MOGAT1: variants seen among roughly 807,000 people sequenced by gnomAD.
The protein encoded by MOGAT1 is monoacylglycerol O-acyltransferase 1, also known as 2-acylglycerol O-acyltransferase 1.
Under a neutral mutation model 31.4 loss-of-function variants are expected in MOGAT1, and 32 were observed. The ratio of observed to expected loss-of-function variants is 1.02; its 90% CI spans 0.77 to 1.37. MOGAT1 has a LOEUF of 1.37. Among genes scored for constraint, MOGAT1 ranks in the 40% most tolerant of loss-of-function variants. The pLI, the probability that MOGAT1 is intolerant of heterozygous loss-of-function variation, is 0.00. For missense variants in MOGAT1, 426 were observed against 402.0 expected (o/e 1.06, Z -0.51); for synonymous variants, 145 against 144.5 (o/e 1.00, Z -0.03).
intron 5 of MOGAT1, among the ~76,000 whole-genome samples, chr2:222,705,583 C>A (rs1194094295): frequency 6.6e-6 from 1 of 152,176 alleles, no homozygotes; most frequent in Admixed American, 6.5e-5. Context: ...TTGGCTGGAG[C>A]CCATTCCTTG....
chr2:222,677,927 A>G, intron 1 of MOGAT1: 1 of 272,276 alleles, frequency 3.7e-6, no homozygotes, highest in Non-Finnish European at 7.7e-6. Context: ...ATCATTGGAA[A>G]CTCATCATAA....
intron 5 of MOGAT1, among the ~76,000 whole-genome samples, chr2:222,697,911 G>T (rs781371204): frequency 2.0e-5 from 3 of 151,814 alleles, no homozygotes; most frequent in Non-Finnish European, 4.4e-5. Flanking sequence ...GATGGGTAAT[G>T]TGCCGATGTT....
intron 1 of MOGAT1, among the ~76,000 whole-genome samples, chr2:222,676,216 G>T (rs1692495830): frequency 6.7e-6 from 1 of 148,822 alleles, no homozygotes; most frequent in South Asian, 2.1e-4. Flanking sequence ...TGAACCCCTT[G>T]GCTCAAGGGA....
chr2:222,689,229 T>C, intron 2 of MOGAT1, 36 bp from the exon 3 acceptor site: 2 of 1,503,994 alleles, frequency 1.3e-6, no homozygotes, highest in African/African-American at 1.4e-5. Context: ...AAGGGAAGTT[T>C]CTTTTTTTTA....
chr2:222,686,674 C>A (rs1692673720), intron 1 of MOGAT1, among the ~76,000 whole-genome samples: 1 of 152,156 alleles, frequency 6.6e-6, no homozygotes, highest in Non-Finnish European at 1.5e-5. Context: ...TAACAGGATA[C>A]CCCACAGAGG....
At chr2:222,679,007 C>T (rs573250655) in intron 1 of MOGAT1, among the ~76,000 whole-genome samples, 1 of 152,234 alleles carries the variant, frequency 6.6e-6, no homozygotes, top group East Asian at 1.9e-4. Context: ...TTTTCTCCTA[C>T]CAGTGTTAAT....
intron 5 of MOGAT1, among the ~76,000 whole-genome samples, chr2:222,696,031 C>T (rs559399091): frequency 2.0e-5 from 3 of 152,298 alleles, no homozygotes; most frequent in African/African-American, 7.2e-5. Context: ...TTTTCCATTC[C>T]TGAGTTACTT....
intron 1 of MOGAT1, among the ~76,000 whole-genome samples, chr2:222,678,893 A>ATCAGC (rs1247812117): frequency 6.6e-6 from 1 of 152,178 alleles, no homozygotes; most frequent in East Asian, 1.9e-4. Flanking sequence ...GTGAGCTGAG[A>ATCAGC]TCGTGCCATT....
intron 1 of MOGAT1, chr2:222,677,555 G>A (rs1282006465): frequency 5.8e-6 from 1 of 171,764 alleles, no homozygotes; most frequent in Non-Finnish European, 1.2e-5. Flanking sequence ...TAGGTCTAAG[G>A]CTAACGTGAT....
chr2:222,678,830 A>C (rs1692536524), intron 1 of MOGAT1, among the ~76,000 whole-genome samples: 1 of 152,160 alleles, frequency 6.6e-6, no homozygotes, highest in South Asian at 2.1e-4. Context: ...AGTCTCAGCT[A>C]CTTGGGAGGC....
rs11331017 is a variant in MOGAT1, at chr2:222,693,448, GTTTTTTTTTTT to G, written c.479-904_479-894del. 2.6e-5 allele frequency among the ~76,000 whole-genome samples: 3 copies of G among 116,198 alleles called. No individual in the cohort carries two copies. The East Asian group carries it at 7.9e-4, about 31-fold the overall frequency. The allele number at this position is 116,198 out of a possible 152,430, so 76.2% of individuals were successfully genotyped here. The stretch of plus-strand genomic sequence containing the variant: ...AGTGATCTAGGTTGTCAAATGTCTT[GTTTTTTTTTTT>G]TTTTTTTTTAACCATTTTGTATTAG... On this transcript the variant is annotated intron_variant, in intron 3 of 5. Coordinates refer to ENST00000446656, the MANE Select transcript of MOGAT1 (RefSeq NM_058165.3).
rs1231514581 is a variant in MOGAT1 at position 222,695,201 on chromosome 2, G to A, written c.766G>A (p.Gly256Arg). ...TCAGAATAAACTGCAGAAGATCATG[G>A]GGTTTGCTTTGCCCCTGTTTCATGC... ...TVQNKLQKIM[G>R]FALPLFHARG... The change falls in exon 5 of 6, where the codon GGG (glycine) becomes AGG (arginine). Residue 256 changes from glycine to arginine, a missense_variant. Physicochemically the swap from Gly to Arg is moderately radical, Grantham distance 125 (BLOSUM62 -2). Coordinates refer to ENST00000446656, the MANE Select transcript of MOGAT1 (RefSeq NM_058165.3). 4 of 1,613,612 alleles carry A rather than the reference G, an allele frequency of 2.5e-6. No individual in the cohort carries two copies. The African/African-American group carries it at 5.3e-5, about 22-fold the overall frequency.
At chr2:222,689,743 T>A (rs773302847) in intron 3 of MOGAT1, among the ~76,000 whole-genome samples, 4 of 152,074 alleles carry the variant, frequency 2.6e-5, no homozygotes, top group Non-Finnish European at 5.9e-5. Flanking sequence ...AACACAATGA[T>A]CAAATAAAGT....
intron 1 of MOGAT1, among the ~76,000 whole-genome samples, chr2:222,676,922 A>G (rs757306927): frequency 2.0e-5 from 3 of 152,256 alleles, no homozygotes; most frequent in Non-Finnish European, 4.4e-5. Context: ...ATGCTTTTGA[A>G]TTGTTTAAAC....
chr2:222,697,850 C>T (rs1182273751), intron 5 of MOGAT1, among the ~76,000 whole-genome samples: 1 of 151,990 alleles, frequency 6.6e-6, no homozygotes, highest in Non-Finnish European at 1.5e-5. Context: ...GCTGGGATTA[C>T]AGGCGTGAGC....
At chr2:222,675,943 G>A (rs530898334) in intron 1 of MOGAT1, among the ~76,000 whole-genome samples, 5 of 152,092 alleles carry the variant, frequency 3.3e-5, no homozygotes, top group Non-Finnish European at 5.9e-5. Flanking sequence ...CAGTGGTGAC[G>A]AGAGATGTTT....
chr2:222,708,164 ACCTCTGCCTCCTGGGTT>A (rs1693034541), intron 5 of MOGAT1, among the ~76,000 whole-genome samples: 1 of 152,068 alleles, frequency 6.6e-6, no homozygotes, highest in Non-Finnish European at 1.5e-5. Context: ...TCTTACTGCA[ACCTCTGCCTCCTGGGTT>A]CTAGAGGTTG....
At chr2:222,681,126 T>C (rs912250470) in intron 1 of MOGAT1, among the ~76,000 whole-genome samples, 12 of 152,210 alleles carry the variant, frequency 7.9e-5, no homozygotes, top group Non-Finnish European at 1.3e-4. Context: ...TTTATGTCCC[T>C]GGTTTTGCTG....
intron 2 of MOGAT1, among the ~76,000 whole-genome samples, chr2:222,688,835 C>CT (rs1307989050): frequency 2.6e-5 from 4 of 152,274 alleles, no homozygotes; most frequent in South Asian, 4.2e-4. Context: ...GAATTCATTC[C>CT]TTTATAAGGA....
Sources: allele counts gnomAD v4.1 joint callset (sites outside exome capture counted in the v4.1 genomes callset), GRCh38; gene constraint gnomAD v4.1.1; transcripts MANE v1.5; gene names NCBI Gene and HGNC (gene_info 2026-07-23, HGNC 2026-07-21).